The following SHROOM4 variants were observed in gnomAD, a reference collection of about 807,000 sequenced individuals.
SHROOM4 encodes the protein protein Shroom4.
Under a neutral mutation model 80.3 loss-of-function variants are expected in SHROOM4, and 17 were observed. The observed-to-expected ratio is 0.21, with a 90% CI of 0.14 to 0.32. The LOEUF (loss-of-function observed/expected upper bound fraction) is 0.32, where lower values mean the gene tolerates loss of function less well. Among genes scored for constraint, SHROOM4 ranks in the 10% least tolerant of loss-of-function variants. The pLI, the probability that SHROOM4 is intolerant of heterozygous loss-of-function variation, is 1.00. For missense variants in SHROOM4, 993 were observed against 1,140.3 expected (o/e 0.87, Z 1.86); for synonymous variants, 400 against 437.5 (o/e 0.91, Z 1.07).
At chrX:50,647,588 A>G (rs1389829328) in intron 2 of SHROOM4, among the ~76,000 whole-genome samples, 1 of 111,903 alleles carries the variant, frequency 8.9e-6, no homozygotes, top group Non-Finnish European at 1.9e-5. Context: ...CCCTTGGGAA[A>G]GAGGCTGTAG....
chrX:50,729,392 G>A (rs1934314520), intron 1 of SHROOM4, among the ~76,000 whole-genome samples: 1 of 111,619 alleles, frequency 9.0e-6, no homozygotes, highest in Non-Finnish European at 1.9e-5. Context: ...ATTCACTAGA[G>A]ATTTAAGTTG....
chrX:50,689,295 T>G (rs1346696448), intron 2 of SHROOM4, among the ~76,000 whole-genome samples: 5 of 111,712 alleles, frequency 4.5e-5, no homozygotes, highest in Admixed American at 2.8e-4. Flanking sequence ...TGATAATCCC[T>G]GCTTGTCTGA....
At chrX:50,706,777 G>A (rs782382180) in intron 1 of SHROOM4, among the ~76,000 whole-genome samples, 6 of 111,815 alleles carry the variant, frequency 5.4e-5, no homozygotes, top group Non-Finnish European at 1.1e-4. Flanking sequence ...TATCCTTTGA[G>A]CTAAATATCC....
chrX:50,680,752 A>G (rs1368441149), intron 2 of SHROOM4, among the ~76,000 whole-genome samples: 2 of 111,391 alleles, frequency 1.8e-5, no homozygotes, highest in Non-Finnish European at 3.8e-5. Context: ...CAAAATTTAA[A>G]TATTTAACCT....
chrX:50,631,378 A>G (rs1394701800), intron 4 of SHROOM4, among the ~76,000 whole-genome samples: 1 of 112,068 alleles, frequency 8.9e-6, no homozygotes, highest in African/African-American at 3.2e-5. Flanking sequence ...AACTAAGAAT[A>G]AAAGAGATTT....
intron 2 of SHROOM4, among the ~76,000 whole-genome samples, chrX:50,694,371 T>C (rs1557262850): frequency 2.1e-5 from 2 of 94,994 alleles, no homozygotes; most frequent in African/African-American, 7.8e-5. Context: ...CCAGCATCTG[T>C]TTTTTTTTTT....
intron 1 of SHROOM4, among the ~76,000 whole-genome samples, chrX:50,715,305 C>T (rs1933922439): frequency 9.0e-6 from 1 of 110,983 alleles, no homozygotes; most frequent in Admixed American, 9.6e-5. Flanking sequence ...TCTGTGTCCC[C>T]TGCTCTACTG....
chrX:50,677,718 T>C (rs145652625), intron 2 of SHROOM4, among the ~76,000 whole-genome samples: 3,511 of 111,541 alleles, frequency 0.031, 136 homozygotes, highest in African/African-American at 0.11. Flanking sequence ...ATTCATTCAT[T>C]GACTATTTGT....
At position 50,635,298 on chromosome X, in the gene SHROOM4, G is replaced by T. The variant is rs373402338; in HGVS notation, c.775C>A (p.Gln259Lys). The change falls in exon 4 of 9, where the codon CAG becomes AAG. Residue 259 changes from glutamine to lysine, a missense_variant. Gln to Lys is a moderately conservative substitution (Grantham distance 53). Coordinates refer to ENST00000376020, the MANE Select transcript of SHROOM4 (RefSeq NM_020717.5). Reference sequence around the variant, plus strand: ...GCGGGCCCTGACTGGTATCCCTCCTGTGGACGGGATGACATCTGAGAGCTG... The same window carrying T: ...GCGGGCCCTGACTGGTATCCCTCCTTTGGACGGGATGACATCTGAGAGCTG... ...TPSSQMSSRP[Q>K]EGYQSGPAKA... is the part of the protein sequence containing the mutation. The T allele has an allele frequency of 5.8e-5, 70 of 1,199,428 alleles. No individual in the cohort carries two copies. Among genetic ancestry groups the T allele is most frequent in the Non-Finnish European group, 7.2e-5 (64 of 889,692 alleles).
At chrX:50,599,785 T>C (rs1322380197) in intron 7 of SHROOM4, among the ~76,000 whole-genome samples, 1 of 111,909 alleles carries the variant, frequency 8.9e-6, no homozygotes, top group Non-Finnish European at 1.9e-5. Flanking sequence ...GAAGCCCTCC[T>C]CTGTAAGTCT....
chrX:50,628,616 C>G (rs781877609), intron 4 of SHROOM4, among the ~76,000 whole-genome samples: 1 of 111,843 alleles, frequency 8.9e-6, no homozygotes, highest in African/African-American at 3.3e-5. Flanking sequence ...CCCAGTAGGT[C>G]TCCCTACTGG....
intron 1 of SHROOM4, among the ~76,000 whole-genome samples, chrX:50,705,436 G>T (rs1168849789): frequency 1.8e-5 from 2 of 111,600 alleles, no homozygotes; most frequent in Non-Finnish European, 3.8e-5. Context: ...CAAGCAATGT[G>T]AACGCCATTC....
At chrX:50,813,696 T>C (rs917603932) in intron 1 of SHROOM4, among the ~76,000 whole-genome samples, 14 of 111,918 alleles carry the variant, frequency 1.3e-4, no homozygotes, top group Admixed American at 9.3e-4. Flanking sequence ...CGGGGGCCAG[T>C]TGTGCTCCCA....
At chrX:50,651,884 C>T in intron 2 of SHROOM4, among the ~76,000 whole-genome samples, 1 of 111,441 alleles carries the variant, frequency 9.0e-6, no homozygotes, top group Non-Finnish European at 1.9e-5. Flanking sequence ...TTTCCAGCTT[C>T]ATCCATGTCC....
chrX:50,791,109 G>C (rs1031694608), intron 1 of SHROOM4, among the ~76,000 whole-genome samples: 8 of 110,648 alleles, frequency 7.2e-5, no homozygotes, highest in African/African-American at 2.6e-4. Context: ...AATAAATCCA[G>C]TAAAGTTACA....
intron 2 of SHROOM4, among the ~76,000 whole-genome samples, chrX:50,682,485 T>C (rs1234073250): frequency 2.7e-5 from 3 of 111,206 alleles, no homozygotes; most frequent in African/African-American, 9.8e-5. Flanking sequence ...ATACTTAAGA[T>C]AGGAGGAAAA....
chrX:50,597,755 CCA>C (rs782489770), intron 8 of SHROOM4, among the ~76,000 whole-genome samples: 1 of 112,124 alleles, frequency 8.9e-6, no homozygotes, highest in South Asian at 3.8e-4. Context: ...TGTAAGTTGT[CCA>C]CAGTCACACA....
chrX:50,715,692 T>C (rs1557264753), intron 1 of SHROOM4, among the ~76,000 whole-genome samples: 1 of 110,095 alleles, frequency 9.1e-6, no homozygotes, highest in African/African-American at 3.3e-5. Flanking sequence ...AAGAGTGAAG[T>C]GTTGGTGAGG....
rs781997746 is a variant in SHROOM4, at chrX:50,589,405, T to A, written c.*7290A>T. Among the ~76,000 whole-genome samples the A allele has an allele frequency of 1.8e-5, 2 of 111,773 alleles. No individual in the cohort carries two copies. Among genetic ancestry groups the A allele is most frequent in the Non-Finnish European group, 3.8e-5 (2 of 53,133 alleles). ...GGATGACAATCTAATTTTATAATAT[T>A]TTCATCATCCCCAAAAGAAACCCCA... On this transcript the variant is annotated 3_prime_UTR_variant, in exon 9 of 9. Coordinates refer to ENST00000376020, the MANE Select transcript of SHROOM4 (RefSeq NM_020717.5).
Sources: gnomAD v4.1 joint callset for allele counts (sites outside exome capture counted in the v4.1 genomes callset) on GRCh38, gnomAD v4.1.1 for gene constraint, MANE v1.5 for transcripts, NCBI Gene and HGNC (gene_info 2026-07-23, HGNC 2026-07-21) for gene names.